The following MON2 variants were observed in gnomAD, a reference collection of about 807,000 sequenced individuals.
MON2 encodes the protein MON2 regulator of endosome-to-Golgi trafficking.
In MON2, 84 loss-of-function variants were observed where a neutral mutation model predicts 208.6. That is an observed-to-expected ratio of 0.40 (90% confidence interval 0.34 to 0.48). The LOEUF (loss-of-function observed/expected upper bound fraction) is 0.48. Among genes scored for constraint, MON2 ranks in the 20% least tolerant of loss-of-function variants. The pLI, the probability that MON2 is intolerant of heterozygous loss-of-function variation, is 0.59. For synonymous variants in MON2, 660 were observed against 694.0 expected (o/e 0.95, Z 0.77); for missense variants, 1,611 against 2,015.4 (o/e 0.80, Z 3.84).
At position 62,511,899 on chromosome 12, in the gene MON2, TC is replaced by T. The variant is rs2071423430; in HGVS notation, c.984+3421del. On this transcript the variant is annotated intron_variant, in intron 8 of 34. Coordinates refer to ENST00000393630, the MANE Select transcript of MON2 (RefSeq NM_015026.3). ...GAAAGAGATTTATTGGACTTACAGTTCCATGTGGCTGGGGAGGCCTCACAAT... is the reference window on the plus strand; with the variant it reads ...GAAAGAGATTTATTGGACTTACAGTTCATGTGGCTGGGGAGGCCTCACAAT... Among the ~76,000 whole-genome samples, 8 of 152,282 alleles carry T rather than the reference TC, an allele frequency of 5.3e-5. No individual in the cohort carries two copies. The South Asian group carries it at 1.7e-3, about 32-fold the overall frequency.
At chr12:62,548,035 C>T (rs1272706685) in intron 22 of MON2, among the ~76,000 whole-genome samples, 2 of 152,070 alleles carry the variant, frequency 1.3e-5, no homozygotes, top group Non-Finnish European at 2.9e-5. Flanking sequence ...AGGAGGAGGA[C>T]AGAGGCAAAA....
chr12:62,496,693 G>A (rs1176911408), intron 4 of MON2, among the ~76,000 whole-genome samples: 1 of 152,232 alleles, frequency 6.6e-6, no homozygotes, highest in African/African-American at 2.4e-5. Flanking sequence ...GCCACAGAAT[G>A]TGGGAAAATA....
chr12:62,484,677 G>C (rs1421375005), intron 2 of MON2: 2 of 152,342 alleles, frequency 1.3e-5, no homozygotes, highest in African/African-American at 4.8e-5. Flanking sequence ...TAGTTGTACC[G>C]TATGAATTTT....
chr12:62,503,230 TTGTC>T (rs1232718801), intron 7 of MON2, among the ~76,000 whole-genome samples: 2 of 152,210 alleles, frequency 1.3e-5, no homozygotes, highest in Non-Finnish European at 2.9e-5. Flanking sequence ...GTTAAATAAT[TTGTC>T]TGCAGTTTCA....
At chr12:62,546,811 G>A (rs1186246982) in intron 21 of MON2, 86 bp from the exon 22 acceptor site, 10 of 993,990 alleles carry the variant, frequency 1.0e-5, no homozygotes, top group African/African-American at 3.4e-5. Context: ...TCTGAATGGC[G>A]ATGAATTTAA....
chr12:62,570,616 A>G (rs140552079), intron 29 of MON2, among the ~76,000 whole-genome samples: 214 of 151,312 alleles, frequency 1.4e-3, no homozygotes, highest in African/African-American at 5.0e-3. Context: ...TCTAACCTAT[A>G]TATGTGGCAG....
At chr12:62,523,051 C>G (rs185874488) in intron 8 of MON2, among the ~76,000 whole-genome samples, 7 of 152,230 alleles carry the variant, frequency 4.6e-5, no homozygotes, top group African/African-American at 2.4e-5. Flanking sequence ...AGCTGATGAA[C>G]CTTAAATTCA....
At chr12:62,565,913 C>T (rs1451909181) in intron 27 of MON2, 101 bp from the exon 28 acceptor site, 1 of 1,134,560 alleles carries the variant, frequency 8.8e-7, no homozygotes, top group East Asian at 2.6e-5. Flanking sequence ...ATTTTGTTCA[C>T]TCAACATAAA....
intron 2 of MON2, chr12:62,485,038 G>A (rs1194334420): frequency 6.6e-6 from 1 of 151,874 alleles, no homozygotes; most frequent in African/African-American, 2.4e-5. Flanking sequence ...GAGATGTGAA[G>A]AGGTTAAGTT....
rs2073817484 is a variant in MON2 at position 62,553,082 on chromosome 12, G to A, written c.3118G>A (p.Val1040Ile). 6.2e-7 allele frequency: 1 copy of A among 1,613,960 alleles called. No individual in the cohort carries two copies. Among genetic ancestry groups the A allele is most frequent in the Non-Finnish European group, 8.5e-7 (1 of 1,179,964 alleles). The change falls in exon 24 of 35, where the codon GTC (valine) becomes ATC (isoleucine). Residue 1040 changes from valine (V) to isoleucine (I), a missense_variant. Coordinates refer to ENST00000393630, the MANE Select transcript of MON2 (RefSeq NM_015026.3). ...ACTATGTGTGGATCCCCGTCCTGCT[G>A]TCAGGAAGAGTGCAGGGCAAACTCT... ...GELCVDPRPAVRKSAGQTLFS... is the reference protein window; with the variant it reads ...GELCVDPRPAIRKSAGQTLFS...
intron 8 of MON2, among the ~76,000 whole-genome samples, chr12:62,516,543 A>G (rs554277727): frequency 2.0e-5 from 3 of 152,278 alleles, no homozygotes; most frequent in East Asian, 1.9e-4. Flanking sequence ...TGTCTCTACT[A>G]AAAATACAAA....
chr12:62,537,294 A>G lies in MON2; in HGVS notation c.2013+31A>G, dbSNP rs772684230. 7.5e-6 allele frequency: 11 copies of G among 1,469,916 alleles called. No homozygotes were observed. The Admixed American group carries it at 1.4e-4, about 19-fold the overall frequency. 91.1% of individuals were successfully genotyped at this position (1,469,916 alleles called of 1,614,324 possible). ...GTACTTGTATTTTTCTTGGTTATCAATTAGCTATCAAGGAAACTTGTTGTA... is the reference window on the plus strand; with the variant it reads ...GTACTTGTATTTTTCTTGGTTATCAGTTAGCTATCAAGGAAACTTGTTGTA... On this transcript the variant is annotated intron_variant, in intron 15 of 34. Transcript: ENST00000393630.
chr12:62,520,481 C>T (rs184336281), intron 8 of MON2, among the ~76,000 whole-genome samples: 4 of 152,150 alleles, frequency 2.6e-5, no homozygotes, highest in African/African-American at 9.6e-5. Context: ...TGTAAATAAT[C>T]ATGATTTACT....
At chr12:62,497,961 C>T (rs921507008) in intron 4 of MON2, among the ~76,000 whole-genome samples, 6 of 152,054 alleles carry the variant, frequency 3.9e-5, no homozygotes, top group African/African-American at 1.4e-4. Context: ...ACCAGATGAC[C>T]CATCCATTTC....
intron 3 of MON2, 61 bp downstream of exon 3, chr12:62,494,103 G>T (rs2136049530): frequency 1.4e-6 from 2 of 1,443,300 alleles, no homozygotes; most frequent in East Asian, 2.3e-5. Context: ...TTCATGAAAG[G>T]AGAATGAAAC....
chr12:62,570,825 C>T (rs1474885666), intron 29 of MON2, among the ~76,000 whole-genome samples: 1 of 144,842 alleles, frequency 6.9e-6, no homozygotes, highest in South Asian at 2.2e-4. Context: ...CTCTGCCTCC[C>T]GGGTTCAAGC....
chr12:62,534,864 A>G lies in MON2; in HGVS notation c.1653A>G (p.Glu551=). 5 of 1,611,986 alleles carry G rather than the reference A, an allele frequency of 3.1e-6. No homozygotes were observed. The highest frequency in any genetic ancestry group is 2.2e-5 in the East Asian group (1 of 44,738). The change falls in exon 13 of 35, where the codon GAA becomes GAG. Residue 551 remains glutamate (E), a synonymous_variant. Coordinates refer to ENST00000393630, the MANE Select transcript of MON2 (RefSeq NM_015026.3). ...DKEIVSRAVW[E]EMVNACWCGL... ...TTTAAGTTAGTAGGGCTGTTTGGGA[A>G]GAAATGGTGAATGCCTGCTGGTGTG...
chr12:62,566,148 C>T lies in MON2; in HGVS notation c.4194+117C>T, dbSNP rs919461281. The T allele has an allele frequency of 3.7e-6, 5 of 1,358,724 alleles. No homozygotes were observed. In the Admixed American group the frequency reaches 6.9e-5, roughly 19 times the overall value. 84.2% of individuals were successfully genotyped at this position (1,358,724 alleles called of 1,614,324 possible). ...TCCAATAGTTTTAATTTTTGCCTGGCTGAAAATTATTTTTTTCATGAAGTA... is the reference window on the plus strand; with the variant it reads ...TCCAATAGTTTTAATTTTTGCCTGGTTGAAAATTATTTTTTTCATGAAGTA... On this transcript the variant is annotated intron_variant, in intron 28 of 34. Transcript: ENST00000393630.
intron 4 of MON2, among the ~76,000 whole-genome samples, chr12:62,497,943 C>G (rs968874700): frequency 5.3e-5 from 8 of 152,140 alleles, no homozygotes; most frequent in African/African-American, 1.9e-4. Context: ...AAAGTTAAAC[C>G]TATTCTTACC....
Sources: allele counts gnomAD v4.1 joint callset (sites outside exome capture counted in the v4.1 genomes callset), GRCh38; gene constraint gnomAD v4.1.1; transcripts MANE v1.5; gene names NCBI Gene and HGNC (gene_info 2026-07-23, HGNC 2026-07-21).